Variants in SKIC3 observed in about 807,000 individuals in gnomAD.
SKIC3 encodes SKI3 subunit of superkiller complex.
At chr5:95,501,517 A>G in the SKIC3 span, among the ~76,000 whole-genome samples, 1 of 152,100 alleles carries the variant, frequency 6.6e-6, no homozygotes, top group Non-Finnish European at 1.5e-5. Context: ...AATCAAACAA[A>G]ATAATGCCAA....
chr5:95,514,307 GA>G, the SKIC3 span, among the ~76,000 whole-genome samples: 2 of 150,050 alleles, frequency 1.3e-5, no homozygotes, highest in Admixed American at 6.6e-5. Context: ...GGTAAAAAAA[GA>G]AAAAAAAATC....
chr5:95,470,402 G>A, the SKIC3 span, among the ~76,000 whole-genome samples: 1 of 152,202 alleles, frequency 6.6e-6, no homozygotes, highest in African/African-American at 2.4e-5. Context: ...AAATGGGGTA[G>A]ACTGGGATAA....
the SKIC3 span, among the ~76,000 whole-genome samples, chr5:95,514,449 A>G: frequency 6.6e-6 from 1 of 152,338 alleles, no homozygotes; most frequent in East Asian, 1.9e-4. Context: ...TTACAGAAAC[A>G]TAATATTCAA....
chr5:95,509,910 T>A, the SKIC3 span, among the ~76,000 whole-genome samples: 1 of 152,220 alleles, frequency 6.6e-6, no homozygotes, highest in Non-Finnish European at 1.5e-5. Context: ...TTTAGTTGTA[T>A]TTTAGAATTT....
chr5:95,528,027 G>A, the SKIC3 span: 61 of 1,613,454 alleles, frequency 3.8e-5, no homozygotes, highest in South Asian at 4.0e-4. Context: ...TCAAGCGTAC[G>A]AATTGCTTCC....
chr5:95,526,688 C>G, the SKIC3 span, among the ~76,000 whole-genome samples: 2 of 152,020 alleles, frequency 1.3e-5, no homozygotes, highest in Admixed American at 6.6e-5. Context: ...TGGCTGGTCT[C>G]AAACTCCTGA....
At chr5:95,491,685 A>G in the SKIC3 span, among the ~76,000 whole-genome samples, 1 of 152,210 alleles carries the variant, frequency 6.6e-6, no homozygotes, top group Non-Finnish European at 1.5e-5. Flanking sequence ...AAGATTATGC[A>G]TAACGACTTC....
the SKIC3 span, among the ~76,000 whole-genome samples, chr5:95,541,115 C>T: frequency 1.3e-5 from 2 of 151,976 alleles, no homozygotes; most frequent in Admixed American, 6.5e-5. Flanking sequence ...TACAGGCATG[C>T]GCCACCATGC....
chr5:95,490,931 A>G, the SKIC3 span: 2 of 1,614,186 alleles, frequency 1.2e-6, no homozygotes, highest in Non-Finnish European at 8.5e-7. Context: ...AGCAGATAAC[A>G]GTGCCAAGTA....
the SKIC3 span, among the ~76,000 whole-genome samples, chr5:95,511,747 A>G: frequency 6.6e-6 from 1 of 152,198 alleles, no homozygotes; most frequent in Non-Finnish European, 1.5e-5. Flanking sequence ...AGGATATGCC[A>G]GGCACCCTGC....
chr5:95,492,902 T>A, the SKIC3 span, among the ~76,000 whole-genome samples: 1 of 152,002 alleles, frequency 6.6e-6, no homozygotes, highest in African/African-American at 2.4e-5. Flanking sequence ...ACAAAATAAT[T>A]ACTGTTTCCA....
the SKIC3 span, chr5:95,523,873 T>G: frequency 6.4e-7 from 1 of 1,556,528 alleles, no homozygotes; most frequent in Middle Eastern, 1.7e-4. Context: ...ACATTAAAAG[T>G]TCATTTAATG....
the SKIC3 span, chr5:95,524,619 A>C: frequency 1.2e-6 from 2 of 1,612,048 alleles, no homozygotes; most frequent in Non-Finnish European, 1.7e-6. Context: ...AATAAAAAGA[A>C]ATAGTAAAAC....
chr5:95,531,285 C>T, the SKIC3 span, among the ~76,000 whole-genome samples: 22 of 152,008 alleles, frequency 1.4e-4, no homozygotes, highest in African/African-American at 5.3e-4. Flanking sequence ...TCCAAGTTGG[C>T]ACCAAAAATG....
chr5:95,494,044 TA>T, the SKIC3 span, among the ~76,000 whole-genome samples: 1 of 152,082 alleles, frequency 6.6e-6, no homozygotes, highest in Admixed American at 6.5e-5. Flanking sequence ...AGAAGCTAAC[TA>T]CACGTAAAAA....
the SKIC3 span, chr5:95,520,642 T>C: frequency 8.3e-7 from 1 of 1,208,940 alleles, no homozygotes; most frequent in Non-Finnish European, 1.2e-6. Context: ...GCAGAATACA[T>C]AAAATGATCT....
the SKIC3 span, chr5:95,484,881 C>T: frequency 2.5e-6 from 4 of 1,607,316 alleles, no homozygotes; most frequent in Non-Finnish European, 1.7e-6. Context: ...CTTTCTTCTG[C>T]AATTTATAAT....
At chr5:95,519,914 T>A in the SKIC3 span, among the ~76,000 whole-genome samples, 2 of 152,014 alleles carry the variant, frequency 1.3e-5, no homozygotes, top group Admixed American at 1.3e-4. Flanking sequence ...AGAACTACAT[T>A]ATGTGAGACT....
the SKIC3 span, among the ~76,000 whole-genome samples, chr5:95,552,613 G>T: frequency 6.6e-6 from 1 of 152,084 alleles, no homozygotes; most frequent in South Asian, 2.1e-4. Context: ...AGCCACAGAA[G>T]CATCTGTGAC....
Sources: allele counts gnomAD v4.1 joint callset (sites outside exome capture counted in the v4.1 genomes callset), GRCh38; gene constraint gnomAD v4.1.1; transcripts MANE v1.5; gene names NCBI Gene and HGNC (gene_info 2026-07-23, HGNC 2026-07-21).